Variants in TENM1 observed in about 807,000 individuals in gnomAD.
TENM1 encodes teneurin transmembrane protein 1.
A neutral mutation model predicts 174.8 loss-of-function variants in TENM1; 35 were observed. The ratio of observed to expected loss-of-function variants is 0.20; its 90% CI spans 0.15 to 0.27. TENM1 has a LOEUF of 0.27. TENM1 is among the 10% of genes least tolerant of loss of function. The pLI is 1.00. For missense variants in TENM1, 1,633 were observed against 2,130.1 expected, an observed-to-expected ratio of 0.77 and a Z score of 4.59; for synonymous variants, 781 against 798.7, an observed-to-expected ratio of 0.98 and a Z score of 0.37.
chrX:124,950,828 A>G (rs760560727), intron 1 of TENM1, among the ~76,000 whole-genome samples: 105 of 111,795 alleles, frequency 9.4e-4, no homozygotes, highest in African/African-American at 3.3e-3. Context: ...AAACTGCATA[A>G]TTGTTTTCCT....
At chrX:124,604,100 G>GT (rs1232802248) in intron 11 of TENM1, among the ~76,000 whole-genome samples, 1 of 110,337 alleles carries the variant, frequency 9.1e-6, no homozygotes, top group Non-Finnish European at 1.9e-5. Flanking sequence ...AATTTATTCA[G>GT]TCTACATAAA....
chrX:124,428,223 A>G (rs771411430), intron 23 of TENM1, among the ~76,000 whole-genome samples: 36 of 111,874 alleles, frequency 3.2e-4, no homozygotes, highest in Non-Finnish European at 6.2e-4. Context: ...CAGGATGTCA[A>G]CCTTTGACAG....
chrX:125,057,334 G>T, the TENM1 span, among the ~76,000 whole-genome samples: 2 of 103,612 alleles, frequency 1.9e-5, no homozygotes, highest in African/African-American at 7.3e-5. Flanking sequence ...TGTTCTGTTT[G>T]TAATGATATA....
intron 3 of TENM1, among the ~76,000 whole-genome samples, chrX:124,762,160 T>C (rs903226919): frequency 1.3e-4 from 14 of 111,948 alleles, no homozygotes; most frequent in African/African-American, 4.6e-4. Flanking sequence ...TGTCTCTTCT[T>C]AGAAGGGCAC....
chrX:124,747,590 C>A (rs1221707993), intron 3 of TENM1, among the ~76,000 whole-genome samples: 2 of 106,606 alleles, frequency 1.9e-5, no homozygotes, highest in Non-Finnish European at 3.9e-5. Flanking sequence ...CAATTTAGTT[C>A]TTCGTTAAGC....
chrX:125,085,409 G>A, the TENM1 span, among the ~76,000 whole-genome samples: 1 of 110,398 alleles, frequency 9.1e-6, no homozygotes, highest in Non-Finnish European at 1.9e-5. Context: ...TTTCCCCTTG[G>A]TAATTTTCTA....
chrX:124,678,892 G>T (rs2052159770), intron 5 of TENM1, among the ~76,000 whole-genome samples: 1 of 110,733 alleles, frequency 9.0e-6, no homozygotes, highest in Non-Finnish European at 1.9e-5. Flanking sequence ...TATCTTTTGG[G>T]GTTTTGTGTC....
At chrX:124,883,737 T>C (rs1241714762) in intron 3 of TENM1, among the ~76,000 whole-genome samples, 2 of 111,791 alleles carry the variant, frequency 1.8e-5, no homozygotes, top group African/African-American at 6.5e-5. Context: ...TTCCCAGGTC[T>C]GTAGGTGGTG....
At chrX:124,720,017 C>T (rs922246465) in intron 4 of TENM1, among the ~76,000 whole-genome samples, 2 of 111,775 alleles carry the variant, frequency 1.8e-5, no homozygotes, top group African/African-American at 6.5e-5. Context: ...TGTACTGCAG[C>T]CTCACACACA....
chrX:124,770,313 C>T (rs1415661446), intron 3 of TENM1, among the ~76,000 whole-genome samples: 1 of 111,628 alleles, frequency 9.0e-6, no homozygotes, highest in Non-Finnish European at 1.9e-5. Context: ...ATTCATCTTT[C>T]CATTATATTT....
intron 1 of TENM1, among the ~76,000 whole-genome samples, chrX:124,910,220 A>G (rs968553074): frequency 8.9e-6 from 1 of 112,559 alleles, no homozygotes; most frequent in Admixed American, 9.4e-5. Context: ...AAAGCTAGAA[A>G]GCAAATGCAA....
rs190416182 is a variant in TENM1 at position 124,875,045 on chromosome X, G to A, written c.535+19251C>T. Among the ~76,000 whole-genome samples, 732 of 111,285 alleles carry A rather than the reference G, an allele frequency of 6.6e-3. 7 individuals are homozygous for A. Among genetic ancestry groups the A allele is most frequent in the African/African-American group, 0.022 (688 of 30,634 alleles). ...TTTTTCCCAGTTGAATATTAGAGCT[G>A]GTATGTTAGGCTTTTTATAAGACCA... On this transcript the variant is annotated intron_variant, in intron 3 of 31. Coordinates refer to ENST00000422452, the Ensembl canonical transcript of TENM1.
chrX:124,841,077 A>C (rs1162418407), intron 3 of TENM1, among the ~76,000 whole-genome samples: 1 of 111,838 alleles, frequency 8.9e-6, no homozygotes, highest in Non-Finnish European at 1.9e-5. Flanking sequence ...AATTACCTTC[A>C]GAAAGTTTGT....
chrX:125,062,362 T>G, the TENM1 span, among the ~76,000 whole-genome samples: 1 of 111,749 alleles, frequency 8.9e-6, no homozygotes, highest in African/African-American at 3.3e-5. Context: ...AAAGCCGTAT[T>G]TTTTAAATGG....
chrX:125,073,533 T>C, the TENM1 span, among the ~76,000 whole-genome samples: 1 of 111,681 alleles, frequency 9.0e-6, no homozygotes, highest in Non-Finnish European at 1.9e-5. Context: ...TTTATGGTTT[T>C]TTCACTTTTA....
the TENM1 span, among the ~76,000 whole-genome samples, chrX:125,149,698 G>A: frequency 8.1e-5 from 9 of 111,621 alleles, no homozygotes; most frequent in Non-Finnish European, 1.5e-4. Context: ...GGGAAGAGAT[G>A]GATATTGCGA....
At chrX:125,029,667 C>G in the TENM1 span, among the ~76,000 whole-genome samples, 2,710 of 111,906 alleles carry the variant, frequency 0.024, 90 homozygotes, top group African/African-American at 0.082. Context: ...CTGGAATGCA[C>G]ACAGCCAGTA....
chrX:124,406,716 G>GA (rs61233139), intron 25 of TENM1, among the ~76,000 whole-genome samples: 19,620 of 110,935 alleles, frequency 0.18, 1,335 homozygotes, highest in Middle Eastern at 0.24. Context: ...CTGTTTTACA[G>GA]AAAAAATATA....
the TENM1 span, among the ~76,000 whole-genome samples, chrX:125,108,277 T>C: frequency 8.9e-6 from 1 of 111,994 alleles, no homozygotes; most frequent in Non-Finnish European, 1.9e-5. Context: ...TTCATTCATG[T>C]TCATTGACTC....
Sources: gnomAD v4.1 joint callset for allele counts (sites outside exome capture counted in the v4.1 genomes callset) on GRCh38, gnomAD v4.1.1 for gene constraint, MANE v1.5 for transcripts, NCBI Gene and HGNC (gene_info 2026-07-23, HGNC 2026-07-21) for gene names.